UBE2E2: variants seen among roughly 807,000 people sequenced by gnomAD.
UBE2E2 encodes the protein ubiquitin-conjugating enzyme E2 E2.
Under a neutral mutation model 24.7 loss-of-function variants are expected in UBE2E2, and 6 were observed. That is an observed-to-expected ratio of 0.24 (90% CI 0.13 to 0.48). The LOEUF (loss-of-function observed/expected upper bound fraction) is 0.48, where lower values mean the gene tolerates loss of function less well. Ranked by LOEUF, UBE2E2 falls within the 20% of genes least tolerant of loss-of-function variation. The pLI is 0.99. For missense variants in UBE2E2, 169 were observed against 245.0 expected, an observed-to-expected ratio of 0.69 and a Z score of 2.07; for synonymous variants, 104 against 83.6, an observed-to-expected ratio of 1.24 and a Z score of -1.33.
chr3:23,483,954 C>A (rs1030863376), intron 3 of UBE2E2, among the ~76,000 whole-genome samples: 1 of 152,150 alleles, frequency 6.6e-6, no homozygotes, highest in African/African-American at 2.4e-5. Flanking sequence ...TGAATCTCAG[C>A]TGGGGAGGGA....
intron 4 of UBE2E2, among the ~76,000 whole-genome samples, chr3:23,510,983 C>A (rs1239773071): frequency 6.6e-6 from 1 of 152,294 alleles, no homozygotes; most frequent in East Asian, 1.9e-4. Flanking sequence ...TGTATAAATT[C>A]TCTTCTCATT....
intron 1 of UBE2E2, 23 bp downstream of exon 1, chr3:23,203,487 T>A: frequency 1.0e-6 from 1 of 960,698 alleles, no homozygotes; most frequent in South Asian, 5.0e-5. Flanking sequence ...GCCGCGCCGG[T>A]GCCTCCCCTC....
intron 3 of UBE2E2, among the ~76,000 whole-genome samples, chr3:23,322,529 G>T (rs540596212): frequency 6.6e-6 from 1 of 151,998 alleles, no homozygotes; most frequent in African/African-American, 2.4e-5. Context: ...AAGCTTCATA[G>T]TCTATATCTT....
chr3:23,485,193 C>G (rs957553391), intron 3 of UBE2E2, among the ~76,000 whole-genome samples: 1 of 146,912 alleles, frequency 6.8e-6, no homozygotes, highest in Admixed American at 6.9e-5. Context: ...CTCCAGGGTT[C>G]AAACCTCCCA....
intron 3 of UBE2E2, among the ~76,000 whole-genome samples, chr3:23,417,839 C>T (rs987702935): frequency 3.3e-5 from 5 of 152,110 alleles, no homozygotes; most frequent in Non-Finnish European, 7.3e-5. Context: ...GAACTTCTGG[C>T]GATTTTGTTT....
intron 3 of UBE2E2, among the ~76,000 whole-genome samples, chr3:23,286,956 G>A (rs1174801295): frequency 6.6e-6 from 1 of 151,976 alleles, no homozygotes; most frequent in African/African-American, 2.4e-5. Context: ...TTTGCTGTTG[G>A]CATATGGAGA....
At chr3:23,220,119 T>C (rs1378727078) in intron 3 of UBE2E2, among the ~76,000 whole-genome samples, 2 of 152,188 alleles carry the variant, frequency 1.3e-5, no homozygotes, top group Non-Finnish European at 2.9e-5. Flanking sequence ...CAGCATTCAG[T>C]GTAGATAAAG....
intron 3 of UBE2E2, among the ~76,000 whole-genome samples, chr3:23,466,348 G>A (rs2125429766): frequency 6.6e-6 from 1 of 152,302 alleles, no homozygotes; most frequent in East Asian, 1.9e-4. Context: ...GATGATCTCA[G>A]CACTAGTTGT....
chr3:23,373,302 A>G (rs896741405), intron 3 of UBE2E2, among the ~76,000 whole-genome samples: 3 of 152,216 alleles, frequency 2.0e-5, no homozygotes, highest in Admixed American at 2.0e-4. Context: ...TATGAAAAGG[A>G]ATAATGAGAC....
intron 4 of UBE2E2, among the ~76,000 whole-genome samples, chr3:23,505,582 TACAC>T (rs942034049): frequency 3.8e-4 from 58 of 152,166 alleles, no homozygotes; most frequent in African/African-American, 1.3e-3. Context: ...GACAAAAAAT[TACAC>T]ACATCAGTAA....
At chr3:23,342,587 A>G (rs1469997538) in intron 3 of UBE2E2, among the ~76,000 whole-genome samples, 4 of 152,292 alleles carry the variant, frequency 2.6e-5, no homozygotes, top group East Asian at 3.9e-4. Context: ...TAGAATGCAC[A>G]TGCATTCTGC....
At chr3:23,316,583 A>G (rs180857315) in intron 3 of UBE2E2, among the ~76,000 whole-genome samples, 4 of 152,038 alleles carry the variant, frequency 2.6e-5, no homozygotes, top group Non-Finnish European at 5.9e-5. Flanking sequence ...GGCGACCCCA[A>G]GAGCCCACTT....
chr3:23,536,891 A>G (rs1247337426), intron 5 of UBE2E2, among the ~76,000 whole-genome samples: 3 of 152,238 alleles, frequency 2.0e-5, no homozygotes, highest in Non-Finnish European at 4.4e-5. Flanking sequence ...TAACAGTGTG[A>G]CATAAGTCCT....
At chr3:23,222,111 T>G (rs898244380) in intron 3 of UBE2E2, among the ~76,000 whole-genome samples, 6 of 152,218 alleles carry the variant, frequency 3.9e-5, no homozygotes, top group East Asian at 1.9e-4. Flanking sequence ...TTTGTCATTC[T>G]CTGCTGGGCT....
At chr3:23,211,495 G>A (rs1250253627) in intron 2 of UBE2E2, among the ~76,000 whole-genome samples, 1 of 148,712 alleles carries the variant, frequency 6.7e-6, no homozygotes, top group Non-Finnish European at 1.5e-5. Context: ...GGCTCATTCA[G>A]TCCTCCAGCC....
At chr3:23,485,883 T>G (rs1384946959) in intron 3 of UBE2E2, among the ~76,000 whole-genome samples, 2 of 152,236 alleles carry the variant, frequency 1.3e-5, no homozygotes, top group East Asian at 3.9e-4. Context: ...AAACTCTTAC[T>G]GTTTCCATGG....
chr3:23,340,336 T>A (rs565314192), intron 3 of UBE2E2, among the ~76,000 whole-genome samples: 1 of 152,290 alleles, frequency 6.6e-6, no homozygotes, highest in East Asian at 1.9e-4. Flanking sequence ...TATGGAAAAG[T>A]GAGGAAAAAT....
At chr3:23,445,065 A>G (rs929727458) in intron 3 of UBE2E2, among the ~76,000 whole-genome samples, 1 of 152,218 alleles carries the variant, frequency 6.6e-6, no homozygotes, top group African/African-American at 2.4e-5. Context: ...TAATGATGTC[A>G]TATTGAGTGG....
intron 5 of UBE2E2, among the ~76,000 whole-genome samples, chr3:23,585,370 C>CAAA (rs71620785): frequency 0.015 from 1,281 of 86,076 alleles, 42 homozygotes; most frequent in African/African-American, 0.053. Context: ...GACCCTGTCT[C>CAAA]AAAAAAAAAA....
Sources: gnomAD v4.1 joint callset for allele counts (sites outside exome capture counted in the v4.1 genomes callset) on GRCh38, gnomAD v4.1.1 for gene constraint, MANE v1.5 for transcripts, NCBI Gene and HGNC (gene_info 2026-07-23, HGNC 2026-07-21) for gene names.